Variants in ARHGEF11 observed in about 807,000 individuals in gnomAD.
ARHGEF11 encodes the protein Rho guanine nucleotide exchange factor 11.
ARHGEF11 carries 55 observed loss-of-function variants against 193.7 expected under a neutral mutation model. The observed-to-expected ratio is 0.28, with a 90% CI of 0.23 to 0.36. The LOEUF (loss-of-function observed/expected upper bound fraction) is 0.36. Among genes scored for constraint, ARHGEF11 ranks in the 10% least tolerant of loss-of-function variants. The probability of loss-of-function intolerance (pLI) is 1.00; values close to 1 mark genes in which losing one functional copy is unlikely to be tolerated. For synonymous variants in ARHGEF11, 693 were observed against 768.0 expected (o/e 0.90, Z 1.62); for missense variants, 1,723 against 2,005.6 (o/e 0.86, Z 2.69).
chr1:156,955,914 G>A, intron 19 of ARHGEF11, 115 bp from the exon 20 acceptor site: 1 of 795,422 alleles, frequency 1.3e-6, no homozygotes, highest in Admixed American at 1.8e-5. Flanking sequence ...CTGGAGAGCT[G>A]ACTCTTGCTG....
chr1:157,043,614 G>A (rs1673020071), intron 1 of ARHGEF11, among the ~76,000 whole-genome samples: 1 of 152,198 alleles, frequency 6.6e-6, no homozygotes, highest in South Asian at 2.1e-4. Context: ...GCAGAGTCAA[G>A]CTTATTAAGA....
intron 14 of ARHGEF11, among the ~76,000 whole-genome samples, chr1:156,960,781 C>A (rs1037973895): frequency 6.6e-6 from 1 of 152,160 alleles, no homozygotes; most frequent in Non-Finnish European, 1.5e-5. Flanking sequence ...GACTTAGCAG[C>A]AAGGGAAAAG....
intron 37 of ARHGEF11, chr1:156,939,247 A>C: frequency 2.6e-6 from 1 of 383,112 alleles, no homozygotes. Context: ...TGGTACTGGT[A>C]GTTGGTTTGT....
At position 156,999,055 on chromosome 1, in the gene ARHGEF11, G is replaced by A. The variant is rs556427744; in HGVS notation, c.33-12882C>T. On this transcript the variant is annotated intron_variant, in intron 1 of 40. Coordinates refer to ENST00000368194, the MANE Select transcript of ARHGEF11 (RefSeq NM_198236.3). ...GCTGCCCCAGCAGGAGGGAGGGGGC[G>A]GGCCCTTCTGACAAGAGGACAGGAC... 3.3e-5 allele frequency among the ~76,000 whole-genome samples: 5 copies of A among 152,298 alleles called. No homozygotes were observed. The East Asian group carries it at 9.6e-4, about 29-fold the overall frequency.
At chr1:156,957,604 C>T (rs1281574677) in intron 18 of ARHGEF11, among the ~76,000 whole-genome samples, 188 bp downstream of exon 18, 1 of 152,194 alleles carries the variant, frequency 6.6e-6, no homozygotes, top group Non-Finnish European at 1.5e-5. Context: ...GCATCAGGGG[C>T]GTGGGCCTCA....
rs140327421 is a variant in ARHGEF11, at chr1:156,946,769, C to T, written c.2587G>A (p.Glu863Lys). The T allele has an allele frequency of 4.6e-5, 74 of 1,614,076 alleles. No homozygotes were observed. The highest frequency in any genetic ancestry group is 6.2e-5 in the Non-Finnish European group (73 of 1,180,030). ...TGTGCAGCCACTTGCTGGAGTTCCT[C>T]TCGGGCAGGGCCATCAAACTGAAGA... is the stretch of plus-strand genomic sequence containing the variant. The part of the protein sequence containing the change: ...MLARFDGPAR[E>K]ELQQVAAQFC... Residue 863 changes from glutamate (E) to lysine (K), a missense_variant, in exon 28 of 41, where the codon GAG (glutamate) becomes AAG (lysine). Physicochemically the swap from Glu to Lys is moderately conservative, Grantham distance 56 (BLOSUM62 1). Coordinates refer to ENST00000368194, the MANE Select transcript of ARHGEF11 (RefSeq NM_198236.3).
intron 7 of ARHGEF11, among the ~76,000 whole-genome samples, chr1:156,975,142 T>C (rs758227692): frequency 1.1e-4 from 16 of 152,222 alleles, no homozygotes; most frequent in Non-Finnish European, 2.2e-4. Context: ...AATGGCGGAA[T>C]AGATTAGCAC....
chr1:156,953,247 C>T (rs1458914565), intron 21 of ARHGEF11, among the ~76,000 whole-genome samples: 2 of 152,168 alleles, frequency 1.3e-5, no homozygotes, highest in Non-Finnish European at 2.9e-5. Flanking sequence ...AGTTTGAGAC[C>T]AGGCTGGGCA....
intron 3 of ARHGEF11, among the ~76,000 whole-genome samples, chr1:156,980,844 G>GTT (rs1483363231): frequency 9.0e-6 from 1 of 111,478 alleles, no homozygotes; most frequent in Non-Finnish European, 1.8e-5. Flanking sequence ...GGGGGGGGGG[G>GTT]GGGAAATGAG....
At chr1:157,007,770 G>A (rs1020468006) in intron 1 of ARHGEF11, among the ~76,000 whole-genome samples, 1 of 152,110 alleles carries the variant, frequency 6.6e-6, no homozygotes, top group Non-Finnish European at 1.5e-5. Context: ...ATCTAAAATT[G>A]CAATCCCACA....
intron 1 of ARHGEF11, among the ~76,000 whole-genome samples, chr1:157,021,576 C>T (rs1015334743): frequency 6.6e-5 from 10 of 152,158 alleles, no homozygotes; most frequent in African/African-American, 2.4e-4. Context: ...AAAAGGAAAT[C>T]GTTTAAATAA....
At chr1:157,002,675 T>C (rs822577) in intron 1 of ARHGEF11, among the ~76,000 whole-genome samples, 98,517 of 151,590 alleles carry the variant, frequency 0.65, 33,545 homozygotes, top group East Asian at 0.85. Flanking sequence ...GTCACATATA[T>C]TTTGTTGATA....
In ARHGEF11 at chr1:156,947,800, C is replaced by T. The variant is rs760460397; in HGVS notation, c.2310G>A (p.Gln770=). 4 of 1,613,786 alleles carry T rather than the reference C, an allele frequency of 2.5e-6. No homozygotes were observed. Among genetic ancestry groups the T allele is most frequent in the East Asian group, 2.2e-5 (1 of 44,886 alleles). ...VGKDVVAGLT[Q]REIDRQEVIN... ...TGACCTCTTGCCGGTCAATCTCCCGCTGGGTTAGCCCAGCCACCACATCCT... is the reference window on the plus strand; with the variant it reads ...TGACCTCTTGCCGGTCAATCTCCCGTTGGGTTAGCCCAGCCACCACATCCT... The change falls in exon 25 of 41, where the codon CAG becomes CAA. Residue 770 remains glutamine (Q), a synonymous_variant. Coordinates refer to ENST00000368194, the MANE Select transcript of ARHGEF11 (RefSeq NM_198236.3).
chr1:156,965,695 C>A (rs530815632), intron 11 of ARHGEF11, among the ~76,000 whole-genome samples: 86 of 152,258 alleles, frequency 5.6e-4, no homozygotes, highest in Admixed American at 1.5e-3. Flanking sequence ...GCAGCCCAAC[C>A]AGAATAGGTT....
chr1:157,013,946 TAGCTCTGGAGAAA>T (rs1228864583), intron 1 of ARHGEF11, among the ~76,000 whole-genome samples: 1 of 152,224 alleles, frequency 6.6e-6, no homozygotes, highest in East Asian at 1.9e-4. Flanking sequence ...TCCAACAAAC[TAGCTCTGGAGAAA>T]AGCTCCCATT....
intron 8 of ARHGEF11, 31 bp downstream of exon 8, chr1:156,971,666 C>T: frequency 6.2e-7 from 1 of 1,604,618 alleles, no homozygotes; most frequent in Non-Finnish European, 8.5e-7. Context: ...ACTGCATGTG[C>T]CCTTACTAGA....
chr1:157,028,104 G>A (rs1201150970), intron 1 of ARHGEF11, among the ~76,000 whole-genome samples: 2 of 152,080 alleles, frequency 1.3e-5, no homozygotes, highest in African/African-American at 2.4e-5. Context: ...CCAATCAACC[G>A]CCAGAATTCT....
chr1:157,043,427 A>G (rs1009096261), intron 1 of ARHGEF11, among the ~76,000 whole-genome samples: 1 of 152,132 alleles, frequency 6.6e-6, no homozygotes. Context: ...TGTACCAATC[A>G]TTTGGAGGTA....
intron 1 of ARHGEF11, among the ~76,000 whole-genome samples, chr1:157,019,904 A>T (rs1669753838): frequency 6.6e-6 from 1 of 152,172 alleles, no homozygotes; most frequent in Non-Finnish European, 1.5e-5. Flanking sequence ...AGGCAGGCAG[A>T]TCACAAGGTC....
Sources: allele counts gnomAD v4.1 joint callset (sites outside exome capture counted in the v4.1 genomes callset), GRCh38; gene constraint gnomAD v4.1.1; transcripts MANE v1.5; gene names NCBI Gene and HGNC (gene_info 2026-07-23, HGNC 2026-07-21).